GPHN: variants seen among roughly 807,000 people sequenced by gnomAD.
GPHN encodes the protein gephyrin.
GPHN carries 17 observed loss-of-function variants against 95.5 expected under a neutral mutation model. The ratio of observed to expected loss-of-function variants is 0.18; its 90% confidence interval spans 0.12 to 0.27. The LOEUF (loss-of-function observed/expected upper bound fraction) is 0.27, where lower values mean the gene tolerates loss of function less well. GPHN is among the 10% of genes least tolerant of loss of function. GPHN has a pLI of 1.00. For synonymous variants in GPHN, 320 were observed against 322.5 expected (o/e 0.99, Z 0.08); for missense variants, 660 against 978.1 (o/e 0.67, Z 4.34).
At chr14:67,727,414 C>T in the GPHN span, 12 of 518,498 alleles carry the variant, frequency 2.3e-5, no homozygotes, top group African/African-American at 2.3e-4. Flanking sequence ...ATTTGTGTCA[C>T]ATCTTATCTC....
chr14:66,915,170 G>T (rs2065844778), intron 5 of GPHN, among the ~76,000 whole-genome samples: 1 of 152,082 alleles, frequency 6.6e-6, no homozygotes, highest in Non-Finnish European at 1.5e-5. Flanking sequence ...AATAAGAGTG[G>T]TTAAAGAAAA....
intron 4 of GPHN, among the ~76,000 whole-genome samples, chr14:66,839,792 A>G (rs1456672487): frequency 7.6e-6 from 1 of 130,970 alleles, no homozygotes; most frequent in Non-Finnish European, 1.5e-5. Flanking sequence ...ATTGTGTGAT[A>G]CTTTGATATA....
the GPHN span, among the ~76,000 whole-genome samples, chr14:67,406,235 G>A: frequency 2.0e-5 from 3 of 148,240 alleles, no homozygotes; most frequent in Non-Finnish European, 2.9e-5. Flanking sequence ...CTCCAGCCTC[G>A]GTGAAAGAGC....
chr14:67,131,424 C>T (rs1313964061), intron 17 of GPHN, among the ~76,000 whole-genome samples: 1 of 152,144 alleles, frequency 6.6e-6, no homozygotes, highest in East Asian at 1.9e-4. Context: ...GCCATCTTTT[C>T]CTATACCATT....
chr14:67,086,003 C>G (rs577734019), intron 11 of GPHN, among the ~76,000 whole-genome samples: 1 of 152,288 alleles, frequency 6.6e-6, no homozygotes, highest in Non-Finnish European at 1.5e-5. Context: ...AGCAGAATGT[C>G]CTCAAGATTC....
chr14:67,453,624 T>C, the GPHN span, among the ~76,000 whole-genome samples: 2 of 152,322 alleles, frequency 1.3e-5, no homozygotes, highest in South Asian at 2.1e-4. Flanking sequence ...CAGGATGGTG[T>C]CCCTGTCTCA....
At chr14:67,408,295 TAAATAAAATAAAATAAAATAAAATA>T in the GPHN span, among the ~76,000 whole-genome samples, 819 of 116,722 alleles carry the variant, frequency 7.0e-3, 17 homozygotes, top group African/African-American at 0.023. Context: ...TCAAAATAAA[TAAATAAAATAAAATAAAATAAAATA>T]AAATAAAATA....
chr14:66,998,146 G>A (rs992652898), intron 9 of GPHN, among the ~76,000 whole-genome samples: 1 of 152,134 alleles, frequency 6.6e-6, no homozygotes, highest in Non-Finnish European at 1.5e-5. Flanking sequence ...CTTCTTGGGG[G>A]CATTATGTAT....
At chr14:67,711,880 T>C in the GPHN span, among the ~76,000 whole-genome samples, 27 of 152,286 alleles carry the variant, frequency 1.8e-4, no homozygotes, top group South Asian at 8.3e-4. Context: ...AAATCTATCA[T>C]AGGATTGTAT....
intron 11 of GPHN, among the ~76,000 whole-genome samples, chr14:67,063,786 C>G (rs1029029376): frequency 3.3e-5 from 5 of 152,006 alleles, no homozygotes; most frequent in Non-Finnish European, 7.4e-5. Context: ...GATTTTGTAT[C>G]TTGAGACTTT....
At chr14:67,556,454 T>C in the GPHN span, among the ~76,000 whole-genome samples, 1 of 152,202 alleles carries the variant, frequency 6.6e-6, no homozygotes, top group African/African-American at 2.4e-5. Context: ...TTATTTTATT[T>C]TTTAAATAGA....
chr14:67,710,142 C>T, the GPHN span, among the ~76,000 whole-genome samples: 1 of 152,268 alleles, frequency 6.6e-6, no homozygotes, highest in East Asian at 1.9e-4. Flanking sequence ...TGTCTCATGT[C>T]TCCCTAAATG....
At chr14:67,651,400 G>T in the GPHN span, 1 of 1,613,950 alleles carries the variant, frequency 6.2e-7, no homozygotes. Context: ...GGCTGCGAAA[G>T]AATTTGTAGT....
intron 1 of GPHN, among the ~76,000 whole-genome samples, chr14:66,531,009 G>T (rs919456413): frequency 6.9e-6 from 1 of 145,874 alleles, no homozygotes; most frequent in Non-Finnish European, 1.5e-5. Context: ...AGACTGGAGT[G>T]CAGTGGTGCT....
the GPHN span, among the ~76,000 whole-genome samples, chr14:67,539,469 T>G: frequency 1.3e-5 from 2 of 152,150 alleles, no homozygotes; most frequent in Non-Finnish European, 2.9e-5. Flanking sequence ...GGCCTTTCTC[T>G]GCAGGTCTTA....
the GPHN span, among the ~76,000 whole-genome samples, chr14:67,327,572 G>A: frequency 6.6e-6 from 1 of 151,960 alleles, no homozygotes; most frequent in Non-Finnish European, 1.5e-5. Context: ...CATGTGCCAT[G>A]TTGGTGTGCT....
intron 1 of GPHN, among the ~76,000 whole-genome samples, chr14:66,637,458 G>A (rs146864042): frequency 5.1e-4 from 77 of 152,194 alleles, no homozygotes; most frequent in African/African-American, 1.7e-3. Context: ...GTACTAACCA[G>A]TAAGATATAG....
rs192994361 is a variant in GPHN, at chr14:66,708,842, A to G, written c.143+27657A>G. The stretch of plus-strand genomic sequence containing the variant: ...TCCACTAAACTTGCATTTAGCAGCA[A>G]GTACGGAGCTCAAAAGTCCCTATCA... On this transcript the variant is annotated intron_variant, in intron 2 of 22. Transcript: ENST00000478722. 1.3e-4 allele frequency among the ~76,000 whole-genome samples: 20 copies of G among 152,266 alleles called. No individual in the cohort carries two copies. In the East Asian group the frequency reaches 1.5e-3, roughly 12 times the overall value.
chr14:66,838,171 C>G (rs1476518520), intron 4 of GPHN, among the ~76,000 whole-genome samples: 1 of 152,060 alleles, frequency 6.6e-6, no homozygotes, highest in African/African-American at 2.4e-5. Context: ...CTTTAAAAAC[C>G]TGTTTTCTTA....
Sources: allele counts gnomAD v4.1 joint callset (sites outside exome capture counted in the v4.1 genomes callset), GRCh38; gene constraint gnomAD v4.1.1; transcripts MANE v1.5; gene names NCBI Gene and HGNC (gene_info 2026-07-23, HGNC 2026-07-21).